The following CLCN6 variants were observed in gnomAD, a reference collection of about 807,000 sequenced individuals.
CLCN6 encodes the protein H(+)/Cl(-) exchange transporter 6.
CLCN6 carries 70 observed loss-of-function variants against 109.8 expected under a neutral mutation model. The observed-to-expected ratio is 0.64, with a 90% confidence interval of 0.53 to 0.78. CLCN6 has a LOEUF of 0.78. CLCN6 is among the 30% of genes least tolerant of loss of function. The probability of loss-of-function intolerance (pLI) is 0.00; values close to 1 mark genes in which losing one functional copy is unlikely to be tolerated. For synonymous variants in CLCN6, 444 were observed against 447.8 expected (o/e 0.99, Z 0.11); for missense variants, 984 against 1,142.3 (o/e 0.86, Z 2.00).
chr1:11,831,395 TC>T (rs1422308919), intron 13 of CLCN6, among the ~76,000 whole-genome samples: 1 of 152,120 alleles, frequency 6.6e-6, no homozygotes, highest in East Asian at 1.9e-4. Flanking sequence ...GACCTTGTGA[TC>T]CGCCCACCTC....
rs376788186 is a variant in CLCN6 at position 11,817,475 on chromosome 1, A to G, written c.279+795A>G. On this transcript the variant is annotated intron_variant, in intron 4 of 22. Transcript: ENST00000346436. Reference sequence around the variant, plus strand: ...ATGCCCGTATGAACAGAGTTGGTGGAGGCAGCAACTTCACAGGTGAATCAA... The same window carrying G: ...ATGCCCGTATGAACAGAGTTGGTGGGGGCAGCAACTTCACAGGTGAATCAA... 7.2e-5 allele frequency among the ~76,000 whole-genome samples: 11 copies of G among 152,334 alleles called. No individual in the cohort carries two copies. The East Asian group carries it at 9.6e-4, about 13-fold the overall frequency.
intron 13 of CLCN6, among the ~76,000 whole-genome samples, chr1:11,832,641 C>T (rs539370277): frequency 6.6e-5 from 10 of 152,344 alleles, no homozygotes; most frequent in South Asian, 4.1e-4. Flanking sequence ...ATTGTTAGCA[C>T]GTCCACATAA....
rs369720825 is a variant in CLCN6 at position 11,834,018 on chromosome 1, A to G, written c.1514A>G (p.Asn505Ser). The change falls in exon 15 of 23, where the codon AAT (asparagine) becomes AGT (serine). Residue 505 changes from asparagine (N) to serine (S), a missense_variant. Asn to Ser is a conservative substitution (Grantham distance 46, BLOSUM62 1). Transcript: ENST00000346436. The surrounding 1 kb of genome is among the most constrained non-coding windows in gnomAD (Gnocchi z 4.5). ...CGAAFGRLVANVLKSYIGLGH... is the reference protein window; with the variant it reads ...CGAAFGRLVASVLKSYIGLGH... ...GCTGCTTTTGGACGTTTAGTTGCCAATGTCCTAAAAAGGTACTCTGTGTGT... is the reference window on the plus strand; with the variant it reads ...GCTGCTTTTGGACGTTTAGTTGCCAGTGTCCTAAAAAGGTACTCTGTGTGT... The G allele has an allele frequency of 2.0e-5, 32 of 1,613,892 alleles. No individual in the cohort carries two copies. The highest frequency in any genetic ancestry group is 1.3e-4 in the African/African-American group (10 of 74,894).
Position 11,827,155 on chromosome 1 carries a change from C to A in CLCN6, c.774C>A (p.Ile258=). The A allele has an allele frequency of 6.2e-7, 1 of 1,613,890 alleles. No individual in the cohort carries two copies. The highest frequency in any genetic ancestry group is 8.5e-7 in the Non-Finnish European group (1 of 1,179,898). ...AGVAAAFGAP[I]GGTLFSLEEG... Reference sequence around the variant, plus strand: ...TTGCTGCAGCTTTCGGGGCGCCAATCGGGGGTACCTTGTTCAGTCTAGAGG... The same window carrying A: ...TTGCTGCAGCTTTCGGGGCGCCAATAGGGGGTACCTTGTTCAGTCTAGAGG... Residue 258 remains isoleucine, a synonymous_variant, in exon 10 of 23, where the codon ATC becomes ATA. Transcript: ENST00000346436.
intron 2 of CLCN6, among the ~76,000 whole-genome samples, chr1:11,815,419 G>A (rs372645859): frequency 4.0e-4 from 61 of 152,192 alleles, no homozygotes; most frequent in African/African-American, 1.4e-3. Flanking sequence ...TTTTTGAAAC[G>A]GAGTCTCGCT....
At chr1:11,829,113 G>T in intron 12 of CLCN6, 83 bp from the exon 13 acceptor site, 1 of 1,525,892 alleles carries the variant, frequency 6.6e-7, no homozygotes, top group Non-Finnish European at 9.0e-7. Context: ...AATCGGGGCT[G>T]GGGGTAGGCA....
rs1644850310 is a variant in CLCN6 at position 11,829,201 on chromosome 1, T to C, written c.1127T>C (p.Leu376Ser). The stretch of plus-strand genomic sequence containing the variant: ...AGCTGTGCTTTGCCTCCTAGAGTCT[T>C]AGAGAGCCTCCTTGTGTCTCTGGTA... ...VHPKPKLVRV[L>S]ESLLVSLVTT... Residue 376 changes from leucine (L) to serine (S), a missense_variant, in exon 13 of 23, where the codon TTA becomes TCA. Transcript: ENST00000346436. 1 of 1,614,022 alleles carries C rather than the reference T, an allele frequency of 6.2e-7. No homozygotes were observed.
At position 11,807,104 on chromosome 1, in the gene CLCN6, G is replaced by C. The variant is rs774969122; in HGVS notation, c.88-27G>C. The C allele has an allele frequency of 2.5e-6, 4 of 1,609,412 alleles. No homozygotes were observed. In the East Asian group the frequency reaches 8.9e-5, roughly 36 times the overall value. ...CTTCCACTCCTAACCACTAAAAAAG[G>C]CTCCCTCTGCGGATCTGTTTTTCTA... On this transcript the variant is annotated intron_variant, in intron 1 of 22. Transcript: ENST00000346436.
intron 22 of CLCN6, among the ~76,000 whole-genome samples, chr1:11,839,847 G>A (rs532048721): frequency 6.6e-6 from 1 of 152,340 alleles, no homozygotes; most frequent in African/African-American, 2.4e-5. Flanking sequence ...CCCACCGCTT[G>A]CACATCTGTG....
intron 2 of CLCN6, among the ~76,000 whole-genome samples, chr1:11,815,125 A>G (rs1008373295): frequency 3.3e-5 from 5 of 152,206 alleles, no homozygotes; most frequent in African/African-American, 1.2e-4. Context: ...GACACTAACT[A>G]CAAAAGATAA....
At chr1:11,836,202 C>A in intron 18 of CLCN6, 49 bp downstream of exon 18, 4 of 1,539,414 alleles carry the variant, frequency 2.6e-6, no homozygotes, top group East Asian at 2.3e-5. Flanking sequence ...CAAGCGGTCC[C>A]GTCTCACACG....
intron 2 of CLCN6, among the ~76,000 whole-genome samples, chr1:11,811,023 C>T (rs1314588811): frequency 6.6e-6 from 1 of 152,018 alleles, no homozygotes; most frequent in African/African-American, 2.4e-5. Context: ...CCAGCCTGGG[C>T]AACATGGCGA....
At chr1:11,833,318 G>A (rs1423347514) in intron 13 of CLCN6, among the ~76,000 whole-genome samples, 197 bp from the exon 14 acceptor site, 5 of 152,254 alleles carry the variant, frequency 3.3e-5, no homozygotes, top group Middle Eastern at 3.4e-3. Context: ...CCCTCATCCC[G>A]ATTCTTTCAT....
rs955903667 is a variant in CLCN6 at position 11,820,488 on chromosome 1, C to T, written c.346+934C>T. The T allele has an allele frequency of 8.7e-5, 58 of 664,170 alleles. 1 individual carries two copies. The highest frequency in any genetic ancestry group is 1.4e-4 in the East Asian group (5 of 36,394). The allele number at this position is 664,170 out of a possible 1,614,324, so 41.1% of individuals were successfully genotyped here. A position where few individuals can be genotyped will look rare whatever the true frequency, so the allele number is the denominator to read the frequency against. The stretch of plus-strand genomic sequence containing the variant: ...CTATAAGAAAAAACATCAATGGGGC[C>T]GGACACAGTGGCTCACGCCTGTAAT... On this transcript the variant is annotated intron_variant, in intron 5 of 22. Transcript: ENST00000346436.
chr1:11,813,764 T>A (rs945597469), intron 2 of CLCN6, among the ~76,000 whole-genome samples: 1 of 152,178 alleles, frequency 6.6e-6, no homozygotes, highest in Admixed American at 6.5e-5. Context: ...GAAACAAATA[T>A]CTCCTTAAGC....
At chr1:11,833,183 G>A (rs1644901659) in intron 13 of CLCN6, among the ~76,000 whole-genome samples, 1 of 152,122 alleles carries the variant, frequency 6.6e-6, no homozygotes, top group Admixed American at 6.5e-5. Context: ...CAGTCCTAGG[G>A]CTCTCAGGCC....
rs928685881 is a variant in CLCN6, at chr1:11,842,228, G to A, written c.*2005G>A. 14 of 152,372 alleles carry A rather than the reference G, an allele frequency of 9.2e-5. No homozygotes were observed. The highest frequency in any genetic ancestry group is 3.4e-4 in the African/African-American group (14 of 41,452). 9.4% of individuals were successfully genotyped at this position (152,372 alleles called of 1,614,324 possible). On this transcript the variant is annotated 3_prime_UTR_variant, in exon 23 of 23. Transcript: ENST00000346436. ...AGCCGCCTGCCCTGAGGCTGCCCCGGTGAATGTTATTGGAATTCATCCCTC... is the reference window on the plus strand; with the variant it reads ...AGCCGCCTGCCCTGAGGCTGCCCCGATGAATGTTATTGGAATTCATCCCTC...
In CLCN6 at chr1:11,829,264, G is replaced by A. The variant is rs574128207; in HGVS notation, c.1190G>A (p.Gly397Glu). ...VVVFVASMVL[G>E]ECRQMSSSSQ... ...GTGTTTGTGGCCTCGATGGTGTTAG[G>A]AGAATGCCGACAGATGTCCTCTTCG... The change falls in exon 13 of 23, where the codon GGA (glycine) becomes GAA (glutamate). Residue 397 changes from glycine to glutamate, a missense_variant. Physicochemically the swap from Gly to Glu is moderately conservative, Grantham distance 98. Transcript: ENST00000346436. 2.5e-6 allele frequency: 4 copies of A among 1,614,174 alleles called. No individual in the cohort carries two copies. Among genetic ancestry groups the A allele is most frequent in the Non-Finnish European group, 3.4e-6 (4 of 1,180,022 alleles).
In CLCN6 at chr1:11,841,115, C is replaced by G. The variant is rs1353467749; in HGVS notation, c.*892C>G. 4 of 152,632 alleles carry G rather than the reference C, an allele frequency of 2.6e-5. No individual in the cohort carries two copies. Among genetic ancestry groups the G allele is most frequent in the African/African-American group, 4.8e-5 (2 of 41,436 alleles). The allele number at this position is 152,632 out of a possible 1,614,324, so 9.5% of individuals were successfully genotyped here. On this transcript the variant is annotated 3_prime_UTR_variant, in exon 23 of 23. Transcript: ENST00000346436. The stretch of plus-strand genomic sequence containing the variant: ...AAAGTTAGCTGAAAGCAGGGCACTC[C>G]TGGATAAAGCAGCTTCACTCAACTC...
Sources: gnomAD v4.1 joint callset for allele counts (sites outside exome capture counted in the v4.1 genomes callset) on GRCh38, gnomAD v4.1.1 for gene constraint, Gnocchi (gnomAD v3.1) non-coding constraint, MANE v1.5 for transcripts, NCBI Gene and HGNC (gene_info 2026-07-23, HGNC 2026-07-21) for gene names.